Variants in DAW1 observed in about 807,000 individuals in gnomAD.
DAW1 encodes the protein dynein assembly factor with WD repeats 1.
Under a neutral mutation model 56.5 loss-of-function variants are expected in DAW1, and 47 were observed. The observed-to-expected ratio is 0.83, with a 90% CI of 0.66 to 1.06. The LOEUF is 1.06. Ranked by LOEUF, DAW1 falls within the 50% of genes least tolerant of loss-of-function variation. DAW1 has a pLI of 0.00. For missense variants in DAW1, 505 were observed against 499.3 expected, an observed-to-expected ratio of 1.01 and a Z score of -0.11; for synonymous variants, 190 against 179.0, an observed-to-expected ratio of 1.06 and a Z score of -0.49.
intron 10 of DAW1, among the ~76,000 whole-genome samples, chr2:227,909,349 T>C (rs991850560): frequency 2.7e-5 from 4 of 148,158 alleles, no homozygotes; most frequent in Admixed American, 1.4e-4. Context: ...TATATATTTG[T>C]ACATTTTTAT....
At chr2:227,886,333 A>G (rs1309716231) in intron 2 of DAW1, among the ~76,000 whole-genome samples, 2 of 152,126 alleles carry the variant, frequency 1.3e-5, no homozygotes, top group Non-Finnish European at 2.9e-5. Flanking sequence ...TCTAATGCAA[A>G]TAGCTGGGCG....
intron 10 of DAW1, chr2:227,912,609 G>T: frequency 1.7e-6 from 2 of 1,146,192 alleles, no homozygotes; most frequent in South Asian, 1.6e-5. Flanking sequence ...CGCCTATTCT[G>T]CTTCATTTGT....
chr2:227,903,226 G>A (rs1691590050), intron 7 of DAW1, 117 bp downstream of exon 7: 1 of 1,032,536 alleles, frequency 9.7e-7, no homozygotes, highest in Middle Eastern at 2.1e-4. Flanking sequence ...TTTTAGTGGT[G>A]AAAGAGTGTC....
intron 6 of DAW1, 65 bp from the exon 7 acceptor site, chr2:227,902,937 T>C: frequency 6.7e-7 from 1 of 1,501,706 alleles, no homozygotes; most frequent in South Asian, 1.2e-5. Flanking sequence ...TGGAAGATTT[T>C]CTGTGTATAA....
At position 227,878,917 on chromosome 2, in the gene DAW1, A is replaced by G. The variant is rs188990749; in HGVS notation, c.41-6434A>G. Reference sequence around the variant, plus strand: ...ATTCTCGTGCCTCAGCTTCCCAAGTAGCTGGGATTACAGGCATGCCACCAC... The same window carrying G: ...ATTCTCGTGCCTCAGCTTCCCAAGTGGCTGGGATTACAGGCATGCCACCAC... On this transcript the variant is annotated intron_variant, in intron 1 of 12. Transcript: ENST00000309931. Among the ~76,000 whole-genome samples the G allele has an allele frequency of 8.4e-4, 126 of 150,452 alleles. 1 individual carries two copies. Among genetic ancestry groups the G allele is most frequent in the African/African-American group, 3.0e-3 (121 of 40,848 alleles).
chr2:227,915,652 C>CCA (rs1691934367), intron 10 of DAW1, among the ~76,000 whole-genome samples: 1 of 152,032 alleles, frequency 6.6e-6, no homozygotes, highest in African/African-American at 2.4e-5. Context: ...GTAGTAAATC[C>CCA]TATGGTACTA....
chr2:227,915,851 T>C lies in DAW1; in HGVS notation c.974-2929T>C, dbSNP rs1382719570. Among the ~76,000 whole-genome samples, 5 of 152,144 alleles carry C rather than the reference T, an allele frequency of 3.3e-5. No individual in the cohort carries two copies. The East Asian group carries it at 9.6e-4, about 29-fold the overall frequency. ...TTCCTCTTCTTGATAACCACATCAA[T>C]GTTATACTATTGTCTATATCATGTC... On this transcript the variant is annotated intron_variant, in intron 10 of 12. Transcript: ENST00000309931.
chr2:227,902,923 C>T, intron 6 of DAW1, 79 bp from the exon 7 acceptor site: 2 of 1,394,588 alleles, frequency 1.4e-6, no homozygotes, highest in South Asian at 1.2e-5. Context: ...AAGGTAATTG[C>T]ATCTGGAAGA....
At chr2:227,878,978 G>A (rs1311592048) in intron 1 of DAW1, among the ~76,000 whole-genome samples, 1 of 151,836 alleles carries the variant, frequency 6.6e-6, no homozygotes, top group East Asian at 1.9e-4. Context: ...GTAGAGACAG[G>A]GTTTCACCAT....
At chr2:227,918,251 T>C (rs1435826283) in intron 10 of DAW1, among the ~76,000 whole-genome samples, 1 of 149,344 alleles carries the variant, frequency 6.7e-6, no homozygotes, top group Non-Finnish European at 1.5e-5. Context: ...ATGGCTAATA[T>C]ATGCTTGGCG....
chr2:227,915,721 C>T (rs111492954), intron 10 of DAW1, among the ~76,000 whole-genome samples: 4,286 of 152,208 alleles, frequency 0.028, 81 homozygotes, highest in Non-Finnish European at 0.045. Flanking sequence ...CATCTCACTA[C>T]TCCCATTTAT....
At chr2:227,907,576 C>T (rs1265139699) in intron 10 of DAW1, among the ~76,000 whole-genome samples, 1 of 152,118 alleles carries the variant, frequency 6.6e-6, no homozygotes, top group Non-Finnish European at 1.5e-5. Flanking sequence ...GAGATGGAGT[C>T]TCACTCTGTT....
chr2:227,890,234 T>C (rs1201427722), intron 3 of DAW1, among the ~76,000 whole-genome samples: 1 of 152,192 alleles, frequency 6.6e-6, no homozygotes, highest in Non-Finnish European at 1.5e-5. Flanking sequence ...CTTCATATAA[T>C]GATAAATTTA....
At chr2:227,901,476 A>G (rs1426244921) in intron 6 of DAW1, among the ~76,000 whole-genome samples, 1 of 152,216 alleles carries the variant, frequency 6.6e-6, no homozygotes, top group Non-Finnish European at 1.5e-5. Flanking sequence ...GGGTGGCAGT[A>G]GAAACCAATG....
At chr2:227,920,701 G>A (rs1692085239) in intron 11 of DAW1, among the ~76,000 whole-genome samples, 1 of 151,242 alleles carries the variant, frequency 6.6e-6, no homozygotes, top group Non-Finnish European at 1.5e-5. Context: ...TTTTGAGATG[G>A]AGTCTTGCTC....
At chr2:227,876,611 A>T (rs1690889088) in intron 1 of DAW1, 1 of 751,822 alleles carries the variant, frequency 1.3e-6, no homozygotes, top group African/African-American at 1.9e-5. Context: ...CTAATCCTCT[A>T]ATTTTCGCCC....
chr2:227,912,833 G>A (rs1691861342), intron 10 of DAW1, among the ~76,000 whole-genome samples: 1 of 152,098 alleles, frequency 6.6e-6, no homozygotes, highest in African/African-American at 2.4e-5. Context: ...GTTTGCATCT[G>A]TATGTCTTAG....
intron 1 of DAW1, among the ~76,000 whole-genome samples, chr2:227,876,661 G>T (rs1343731437): frequency 6.6e-6 from 1 of 152,204 alleles, no homozygotes; most frequent in Non-Finnish European, 1.5e-5. Context: ...CAGGGGCATT[G>T]TCTTGCTGCT....
intron 11 of DAW1, among the ~76,000 whole-genome samples, chr2:227,920,248 G>A (rs982601489): frequency 1.3e-5 from 2 of 152,158 alleles, no homozygotes; most frequent in African/African-American, 4.8e-5. Context: ...TCTGGTAAGG[G>A]CATTTCTATG....
Sources: gnomAD v4.1 joint callset for allele counts (sites outside exome capture counted in the v4.1 genomes callset) on GRCh38, gnomAD v4.1.1 for gene constraint, MANE v1.5 for transcripts, NCBI Gene and HGNC (gene_info 2026-07-23, HGNC 2026-07-21) for gene names.